Variants in FOXRED2 observed in about 807,000 individuals in gnomAD.
The protein encoded by FOXRED2 is FAD-dependent oxidoreductase domain-containing protein 2.
FOXRED2 carries 32 observed loss-of-function variants against 52.5 expected under a neutral mutation model. The ratio of observed to expected loss-of-function variants is 0.61; its 90% CI spans 0.46 to 0.82. The LOEUF is 0.82. Among genes scored for constraint, FOXRED2 ranks in the 40% least tolerant of loss-of-function variants. FOXRED2 has a pLI of 0.00. For missense variants in FOXRED2, 848 were observed against 937.5 expected, an observed-to-expected ratio of 0.90 and a Z score of 1.25; for synonymous variants, 405 against 398.1, an observed-to-expected ratio of 1.02 and a Z score of -0.21.
chr22:36,498,579 C>G (rs946054454), intron 5 of FOXRED2, among the ~76,000 whole-genome samples: 4 of 152,194 alleles, frequency 2.6e-5, no homozygotes, highest in Non-Finnish European at 5.9e-5. Context: ...AAGTCCAACA[C>G]GGAGCCTTCC....
intron 4 of FOXRED2, among the ~76,000 whole-genome samples, chr22:36,502,949 C>T (rs1401559811): frequency 6.6e-6 from 1 of 152,094 alleles, no homozygotes; most frequent in Non-Finnish European, 1.5e-5. Flanking sequence ...ACCTCAGCCT[C>T]CCAAAGTGCT....
chr22:36,496,280 CAT>C, intron 6 of FOXRED2, 72 bp from the exon 7 acceptor site: 1 of 1,581,472 alleles, frequency 6.3e-7, no homozygotes, highest in Non-Finnish European at 8.6e-7. Context: ...CGGGGGTGAG[CAT>C]GTGTGTGTGC....
At chr22:36,506,691 C>G in intron 1 of FOXRED2, 1 of 423,282 alleles carries the variant, frequency 2.4e-6, no homozygotes, top group Non-Finnish European at 4.2e-6. Context: ...GTAGTAACCT[C>G]CACCCTGGGG....
At chr22:36,492,856 G>A (rs1933792053) in intron 8 of FOXRED2, among the ~76,000 whole-genome samples, 1 of 152,202 alleles carries the variant, frequency 6.6e-6, no homozygotes, top group Non-Finnish European at 1.5e-5. Flanking sequence ...ATTTGCTTCT[G>A]TGATTTCTAT....
In FOXRED2 at chr22:36,506,992, C is replaced by G. The variant is rs1934218469; in HGVS notation, c.-2+17G>C. 6.6e-6 allele frequency: 1 copy of G among 152,542 alleles called. No individual in the cohort carries two copies. The allele number at this position is 152,542 out of a possible 1,614,324, so 9.4% of individuals were successfully genotyped here. A position where few individuals can be genotyped will look rare whatever the true frequency, so the allele number is the denominator to read the frequency against. ...CGGCCTCCCCGCCTCCGACCGAACC[C>G]TGAGAAACGCGCGAACCTCCCAGCC... On this transcript the variant is annotated intron_variant, in intron 1 of 8. Transcript: ENST00000397224.
chr22:36,501,995 C>T (rs145462599), intron 4 of FOXRED2, among the ~76,000 whole-genome samples: 15 of 151,656 alleles, frequency 9.9e-5, no homozygotes, highest in Non-Finnish European at 2.1e-4. Context: ...GAAACCCTGT[C>T]GCTATGAAAA....
At chr22:36,491,570 T>C (rs532131096) in intron 8 of FOXRED2, among the ~76,000 whole-genome samples, 1 of 151,992 alleles carries the variant, frequency 6.6e-6, no homozygotes, top group Non-Finnish European at 1.5e-5. Flanking sequence ...GCTCAGCTAA[T>C]TTTTGTGTTT....
chr22:36,495,828 A>G, intron 7 of FOXRED2, 139 bp downstream of exon 7: 3 of 884,256 alleles, frequency 3.4e-6, no homozygotes, highest in East Asian at 2.4e-5. Flanking sequence ...CTTCTGCCCA[A>G]GTGGTCTCTA....
At chr22:36,493,036 C>A (rs1933796524) in intron 8 of FOXRED2, among the ~76,000 whole-genome samples, 1 of 152,204 alleles carries the variant, frequency 6.6e-6, no homozygotes, top group South Asian at 2.1e-4. Context: ...GAGATCCAAG[C>A]TTTATTGGAG....
chr22:36,499,389 G>A (rs1011653852), intron 5 of FOXRED2, among the ~76,000 whole-genome samples: 8 of 152,134 alleles, frequency 5.3e-5, no homozygotes, highest in Non-Finnish European at 1.0e-4. Context: ...GCTGAGGTGG[G>A]TGGATCGCTT....
At chr22:36,503,951 G>T in intron 4 of FOXRED2, 147 bp downstream of exon 4, 1 of 928,566 alleles carries the variant, frequency 1.1e-6, no homozygotes. Flanking sequence ...TCATGTCCTG[G>T]AGGGAAATCA....
At chr22:36,501,192 T>G in intron 5 of FOXRED2, 49 bp downstream of exon 5, 12 of 1,589,938 alleles carry the variant, frequency 7.5e-6, no homozygotes, top group East Asian at 2.2e-5. Flanking sequence ...CCTGGGATGC[T>G]GAGAGTGGTT....
chr22:36,491,690 C>T (rs1234528210), intron 8 of FOXRED2, among the ~76,000 whole-genome samples: 1 of 152,136 alleles, frequency 6.6e-6, no homozygotes, highest in Non-Finnish European at 1.5e-5. Context: ...CAGGCGTGAT[C>T]CAGCATCCAG....
At chr22:36,491,227 T>C (rs1291944280) in intron 8 of FOXRED2, among the ~76,000 whole-genome samples, 3 of 152,058 alleles carry the variant, frequency 2.0e-5, no homozygotes, top group African/African-American at 7.2e-5. Context: ...GAGAAGCTAC[T>C]GAAAGGAACA....
intron 5 of FOXRED2, among the ~76,000 whole-genome samples, chr22:36,500,629 G>C (rs1386099610): frequency 6.7e-6 from 1 of 149,322 alleles, no homozygotes; most frequent in East Asian, 1.9e-4. Context: ...TGTTGCCCAG[G>C]CTGGAGTGCA....
chr22:36,499,196 T>C (rs961257274), intron 5 of FOXRED2, among the ~76,000 whole-genome samples: 1 of 152,196 alleles, frequency 6.6e-6, no homozygotes, highest in Non-Finnish European at 1.5e-5. Flanking sequence ...GCTGGGATTA[T>C]AGGCATGAGC....
At chr22:36,494,796 C>T (rs1026922352) in intron 7 of FOXRED2, among the ~76,000 whole-genome samples, 8 of 151,788 alleles carry the variant, frequency 5.3e-5, no homozygotes, top group South Asian at 2.1e-4. Flanking sequence ...CACGCCACCA[C>T]GCTGGCTAAT....
chr22:36,501,552 C>G (rs1046822478), intron 4 of FOXRED2, 145 bp from the exon 5 acceptor site: 2 of 744,834 alleles, frequency 2.7e-6, no homozygotes, highest in Non-Finnish European at 4.3e-6. Flanking sequence ...CCTCTGCCTC[C>G]TGGGTTCAAA....
At position 36,497,984 on chromosome 22, in the gene FOXRED2, TACTC is replaced by T. The variant is rs1273591325; in HGVS notation, c.1382+3_1382+6del. On this transcript the variant is annotated splice_donor_5th_base_variant and intron_variant, in intron 6 of 8. Transcript: ENST00000397224. ...CGAGGGGAGTAGGGTGGGGACGGGCTACTCACTCCTTCAACAGGATGACATCGGC... is the reference window on the plus strand; with the variant it reads ...CGAGGGGAGTAGGGTGGGGACGGGCTACTCCTTCAACAGGATGACATCGGC... The T allele has an allele frequency of 6.2e-7, 1 of 1,612,670 alleles. No individual in the cohort carries two copies. Among genetic ancestry groups the T allele is most frequent in the Non-Finnish European group, 8.5e-7 (1 of 1,179,048 alleles).
Sources: allele counts gnomAD v4.1 joint callset (sites outside exome capture counted in the v4.1 genomes callset), GRCh38; gene constraint gnomAD v4.1.1; transcripts MANE v1.5; gene names NCBI Gene and HGNC (gene_info 2026-07-23, HGNC 2026-07-21).